Variants in TNFRSF10D observed in about 807,000 individuals in gnomAD.
TNFRSF10D encodes the protein tumor necrosis factor receptor superfamily member 10D.
TNFRSF10D carries 28 observed loss-of-function variants against 42.1 expected under a neutral mutation model. That is an observed-to-expected ratio of 0.66 (90% CI 0.49 to 0.91). The LOEUF (loss-of-function observed/expected upper bound fraction) is 0.91, where lower values mean the gene tolerates loss of function less well. TNFRSF10D is among the 40% of genes least tolerant of loss of function. The probability of loss-of-function intolerance (pLI) is 0.00; values close to 1 mark genes in which losing one functional copy is unlikely to be tolerated. For missense variants in TNFRSF10D, 503 were observed against 486.1 expected, an observed-to-expected ratio of 1.03 and a Z score of -0.33; for synonymous variants, 186 against 189.4, an observed-to-expected ratio of 0.98 and a Z score of 0.15.
chr8:23,154,951 CG>C lies in TNFRSF10D; in HGVS notation c.178del (p.Arg60GlyfsTer140), dbSNP rs760614148. On this transcript the variant is annotated frameshift_variant, in exon 2 of 9. Coordinates refer to ENST00000312584, the MANE Select transcript of TNFRSF10D (RefSeq NM_003840.5). LOFTEE classifies it high-confidence loss of function. ...TGTCTGCTGGGGAACTTCGTCCTGC[CG>C]GGGGATGGTGGCAGAGTCAACCCGG... ...PVRVDSATIP[R>X]QDEVPQQTVA... 30 of 1,612,748 alleles carry C rather than the reference CG, an allele frequency of 1.9e-5. No individual in the cohort carries two copies. In the African/African-American group the frequency reaches 3.3e-4, roughly 18 times the overall value.
chr8:23,145,571 G>A (rs149463920), intron 5 of TNFRSF10D, 97 bp downstream of exon 5: 95 of 1,575,210 alleles, frequency 6.0e-5, no homozygotes, highest in Non-Finnish European at 7.5e-5. Flanking sequence ...GAGACGCTTG[G>A]ACCAGGGGCA....
chr8:23,146,235 G>T (rs1486642501), intron 4 of TNFRSF10D, among the ~76,000 whole-genome samples: 1 of 152,222 alleles, frequency 6.6e-6, no homozygotes, highest in Non-Finnish European at 1.5e-5. Flanking sequence ...TCCAGGGGAA[G>T]ATCACAAGCC....
intron 1 of TNFRSF10D, among the ~76,000 whole-genome samples, chr8:23,158,408 T>A (rs965347673): frequency 1.3e-5 from 2 of 152,240 alleles, no homozygotes; most frequent in Non-Finnish European, 2.9e-5. Flanking sequence ...GCGTGGGGTA[T>A]CTTTTTCCAT....
At position 23,135,802 on chromosome 8, in the gene TNFRSF10D, A is replaced by G; in HGVS notation, c.*2068T>C. On this transcript the variant is annotated 3_prime_UTR_variant, in exon 9 of 9. Coordinates refer to ENST00000312584, the MANE Select transcript of TNFRSF10D (RefSeq NM_003840.5). ...GGCTGGTAGTCTAGATGCATCTTCA[A>G]GGAAGGCCTCTGAGGAAGGGACAAA... is the stretch of plus-strand genomic sequence containing the variant. 2 of 435,374 alleles carry G rather than the reference A, an allele frequency of 4.6e-6. No homozygotes were observed. The highest frequency in any genetic ancestry group is 1.6e-5 in the South Asian group (1 of 61,034). The allele number at this position is 435,374 out of a possible 1,614,324, so 27.0% of individuals were successfully genotyped here.
intron 2 of TNFRSF10D, among the ~76,000 whole-genome samples, chr8:23,148,982 A>C (rs974359618): frequency 1.2e-4 from 18 of 151,758 alleles, no homozygotes; most frequent in Admixed American, 2.6e-4. Flanking sequence ...CGAGGTCAGG[A>C]GATCGAGACC....
rs940326638 is a variant in TNFRSF10D, at chr8:23,150,619, T to A, written c.257-2068A>T. Among the ~76,000 whole-genome samples, 23 of 152,286 alleles carry A rather than the reference T, an allele frequency of 1.5e-4. 1 individual carries two copies. Among genetic ancestry groups the A allele is most frequent in the Admixed American group, 9.8e-4 (15 of 15,296 alleles). The stretch of plus-strand genomic sequence containing the variant: ...AAACAGTCATCTTACAGAAGCTCAG[T>A]CAGCTACTAGAGAATATGGATAGAC... On this transcript the variant is annotated intron_variant, in intron 2 of 8. Coordinates refer to ENST00000312584, the MANE Select transcript of TNFRSF10D (RefSeq NM_003840.5).
intron 1 of TNFRSF10D, among the ~76,000 whole-genome samples, chr8:23,158,900 A>C (rs893410797): frequency 6.6e-6 from 1 of 152,216 alleles, no homozygotes; most frequent in African/African-American, 2.4e-5. Context: ...TATCGCCGCG[A>C]TAAGATAATG....
At chr8:23,144,760 G>A (rs1800090071) in intron 6 of TNFRSF10D, 125 bp from the exon 7 acceptor site, 2 of 1,198,914 alleles carry the variant, frequency 1.7e-6, no homozygotes, top group Non-Finnish European at 2.3e-6. Flanking sequence ...CTGAGGCTCA[G>A]CACATCCAGG....
chr8:23,148,924 C>T lies in TNFRSF10D; in HGVS notation c.257-373G>A, dbSNP rs182191281. Among the ~76,000 whole-genome samples, 788 of 151,600 alleles carry T rather than the reference C, an allele frequency of 5.2e-3. 6 individuals are homozygous for T. The highest frequency in any genetic ancestry group is 8.6e-3 in the Non-Finnish European group (584 of 67,914). ...ATCTTTTTTTGGCCAGGCACGGTGG[C>T]TCACGCCTGTAATCCCAGTACTTAG... On this transcript the variant is annotated intron_variant, in intron 2 of 8. Transcript: ENST00000312584.
At chr8:23,143,115 T>C (rs1800056707) in intron 7 of TNFRSF10D, among the ~76,000 whole-genome samples, 1 of 152,176 alleles carries the variant, frequency 6.6e-6, no homozygotes, top group Non-Finnish European at 1.5e-5. Flanking sequence ...TAGCTGGGAC[T>C]ACAGGCACCC....
rs1379523415 is a variant in TNFRSF10D at position 23,164,017 on chromosome 8, G to A, written c.-82C>T. 9 of 1,434,600 alleles carry A rather than the reference G, an allele frequency of 6.3e-6. No homozygotes were observed. The highest frequency in any genetic ancestry group is 1.5e-5 in the African/African-American group (1 of 66,760). 88.9% of individuals were successfully genotyped at this position (1,434,600 alleles called of 1,614,324 possible). On this transcript the variant is annotated 5_prime_UTR_variant, in exon 1 of 9. Transcript: ENST00000312584. ...AGTTTGTGCGCGTGCAAAGGTTCTC[G>A]CAGCTACACTGCCAGAATAGAACGT...
intron 3 of TNFRSF10D, among the ~76,000 whole-genome samples, 192 bp from the exon 4 acceptor site, chr8:23,147,264 C>T (rs550782183): frequency 6.6e-6 from 1 of 152,098 alleles, no homozygotes; most frequent in African/African-American, 2.4e-5. Flanking sequence ...ACAAAAGGAC[C>T]GTGATTCATT....
At chr8:23,160,335 T>G (rs1353028939) in intron 1 of TNFRSF10D, among the ~76,000 whole-genome samples, 5 of 152,152 alleles carry the variant, frequency 3.3e-5, no homozygotes, top group African/African-American at 1.2e-4. Context: ...CTCCAGGCTG[T>G]GGCACAGGGA....
intron 1 of TNFRSF10D, among the ~76,000 whole-genome samples, chr8:23,161,481 T>C (rs973211523): frequency 2.0e-5 from 3 of 152,244 alleles, no homozygotes; most frequent in Admixed American, 1.3e-4. Flanking sequence ...AGCCTGAAGA[T>C]GGAGACCTTA....
intron 2 of TNFRSF10D, among the ~76,000 whole-genome samples, chr8:23,152,205 A>G (rs1160737922): frequency 4.6e-5 from 7 of 152,242 alleles, no homozygotes; most frequent in African/African-American, 1.7e-4. Context: ...AACAAAACAC[A>G]GGAAACACAG....
chr8:23,140,404 ACACACACACACAC>A (rs915843698), intron 7 of TNFRSF10D, among the ~76,000 whole-genome samples: 3 of 151,688 alleles, frequency 2.0e-5, no homozygotes, highest in African/African-American at 7.3e-5. Flanking sequence ...ACACACACAC[ACACACACACACAC>A]AATACCTAGA....
Position 23,135,937 on chromosome 8 carries a change from G to A in TNFRSF10D, c.*1933C>T. The A allele has an allele frequency of 2.2e-6, 1 of 449,186 alleles. No homozygotes were observed. Among genetic ancestry groups the A allele is most frequent in the South Asian group, 1.6e-5 (1 of 63,702 alleles). 27.8% of individuals were successfully genotyped at this position (449,186 alleles called of 1,614,324 possible). On this transcript the variant is annotated 3_prime_UTR_variant, in exon 9 of 9. Transcript: ENST00000312584. ...CAGCAGCACCCTGTGTCATCCAGAAGTGCAGGGGACAAGGTGTGGGACGCC... is the reference window on the plus strand; with the variant it reads ...CAGCAGCACCCTGTGTCATCCAGAAATGCAGGGGACAAGGTGTGGGACGCC...
chr8:23,146,180 G>A (rs1289180105), intron 4 of TNFRSF10D, among the ~76,000 whole-genome samples: 2 of 152,224 alleles, frequency 1.3e-5, no homozygotes, highest in Admixed American at 1.3e-4. Flanking sequence ...CACACACTGA[G>A]CTTCCCTGGG....
intron 1 of TNFRSF10D, among the ~76,000 whole-genome samples, chr8:23,163,059 C>T (rs950940502): frequency 2.0e-4 from 29 of 142,924 alleles, no homozygotes; most frequent in African/African-American, 5.0e-4. Flanking sequence ...GTAGCTGGGA[C>T]TACAGGCGCA....
Sources: gnomAD v4.1 joint callset for allele counts (sites outside exome capture counted in the v4.1 genomes callset) on GRCh38, gnomAD v4.1.1 for gene constraint, MANE v1.5 for transcripts, NCBI Gene and HGNC (gene_info 2026-07-23, HGNC 2026-07-21) for gene names.